The following RFX3 variants were observed in gnomAD, a reference collection of about 807,000 sequenced individuals.
RFX3 encodes the protein transcription factor RFX3.
A neutral mutation model predicts 98.6 loss-of-function variants in RFX3; 14 were observed. The observed-to-expected ratio is 0.14, with a 90% confidence interval of 0.09 to 0.22. The LOEUF (loss-of-function observed/expected upper bound fraction) is 0.22. Ranked by LOEUF, RFX3 falls within the 10% of genes least tolerant of loss-of-function variation. The pLI is 1.00. For missense variants in RFX3, 639 were observed against 926.9 expected (o/e 0.69, Z 4.03); for synonymous variants, 383 against 328.4 (o/e 1.17, Z -1.80).
At chr9:3,383,160 CCT>C (rs1839367853) in intron 2 of RFX3, among the ~76,000 whole-genome samples, 1 of 151,908 alleles carries the variant, frequency 6.6e-6, no homozygotes, top group Admixed American at 6.6e-5. Flanking sequence ...ATCATTTTTC[CCT>C]CTTTTTTTAA....
chr9:3,319,197 C>T (rs1055759280), intron 4 of RFX3, among the ~76,000 whole-genome samples: 1 of 152,216 alleles, frequency 6.6e-6, no homozygotes, highest in African/African-American at 2.4e-5. Flanking sequence ...CTTGGACCAG[C>T]ATTTTCAGTA....
At chr9:3,448,578 T>C (rs1014790892) in intron 1 of RFX3, among the ~76,000 whole-genome samples, 5 of 152,094 alleles carry the variant, frequency 3.3e-5, no homozygotes, top group South Asian at 2.1e-4. Flanking sequence ...GGTGGCGCCA[T>C]CATAGCGTGA....
At chr9:3,234,681 AC>A (rs1382504569) in intron 15 of RFX3, among the ~76,000 whole-genome samples, 1 of 151,932 alleles carries the variant, frequency 6.6e-6, no homozygotes, top group African/African-American at 2.4e-5. Flanking sequence ...AAAGCACCCC[AC>A]CCCAAAATCA....
rs149799341 is a variant in RFX3, at chr9:3,284,580, T to C, written c.851+3551A>G. ...ATCAATATGCAAAGCAGTTGTTATA[T>C]TGTGTTAGGCTAGATTTTAGTCATT... is the stretch of plus-strand genomic sequence containing the variant. On this transcript the variant is annotated intron_variant, in intron 7 of 16. Transcript: ENST00000617270. Among the ~76,000 whole-genome samples, 328 of 151,798 alleles carry C rather than the reference T, an allele frequency of 2.2e-3. 10 individuals are homozygous for C. In the East Asian group the frequency reaches 0.052, roughly 24 times the overall value.
chr9:3,405,948 T>G (rs1841928587), intron 1 of RFX3, among the ~76,000 whole-genome samples: 1 of 151,980 alleles, frequency 6.6e-6, no homozygotes, highest in Admixed American at 6.6e-5. Context: ...GGCATTTGGT[T>G]TTTTGTCTTG....
intron 1 of RFX3, among the ~76,000 whole-genome samples, chr9:3,504,195 A>ATATATATTATATATTATACATAT (rs1564183375): frequency 1.2e-4 from 11 of 95,336 alleles, no homozygotes; most frequent in African/African-American, 5.6e-4. Flanking sequence ...ATTATATATT[A>ATATATATTATATATTATACATAT]TATATATTAT....
chr9:3,321,140 G>A lies in RFX3; in HGVS notation c.474+9119C>T, dbSNP rs554320404. 5.9e-5 allele frequency among the ~76,000 whole-genome samples: 9 copies of A among 152,056 alleles called. No homozygotes were observed. The South Asian group carries it at 1.9e-3, about 32-fold the overall frequency. Reference sequence around the variant, plus strand: ...GCTGGTCTCGAACTCCTGACCTCAGGTGATCCACCCGCCTCAGGCTCCCAA... The same window carrying A: ...GCTGGTCTCGAACTCCTGACCTCAGATGATCCACCCGCCTCAGGCTCCCAA... On this transcript the variant is annotated intron_variant, in intron 4 of 16. Transcript: ENST00000617270.
chr9:3,282,836 A>G (rs1042067214), intron 7 of RFX3, among the ~76,000 whole-genome samples: 1 of 151,822 alleles, frequency 6.6e-6, no homozygotes, highest in African/African-American at 2.4e-5. Context: ...TCTAGGAAGA[A>G]ATAAATTAGT....
intron 1 of RFX3, among the ~76,000 whole-genome samples, chr9:3,518,358 TGA>T (rs1455981039): frequency 1.3e-5 from 2 of 152,188 alleles, no homozygotes; most frequent in Non-Finnish European, 2.9e-5. Flanking sequence ...GTGGCTAAGC[TGA>T]GAGTCAGTCT....
intron 5 of RFX3, among the ~76,000 whole-genome samples, chr9:3,297,449 A>T (rs183295591): frequency 2.4e-4 from 37 of 152,210 alleles, no homozygotes; most frequent in Admixed American, 8.5e-4. Context: ...ATTAATCAAG[A>T]TAGACTAAAG....
At chr9:3,342,169 G>C (rs1260947037) in intron 3 of RFX3, among the ~76,000 whole-genome samples, 2 of 152,164 alleles carry the variant, frequency 1.3e-5, no homozygotes, top group African/African-American at 4.8e-5. Flanking sequence ...ATATATATTA[G>C]TGTACCATTT....
At chr9:3,226,663 T>A (rs938657506) in intron 16 of RFX3, among the ~76,000 whole-genome samples, 1 of 152,210 alleles carries the variant, frequency 6.6e-6, no homozygotes, top group African/African-American at 2.4e-5. Flanking sequence ...TTTGAGTGTG[T>A]CAGAACAAGT....
intron 4 of RFX3, among the ~76,000 whole-genome samples, chr9:3,305,541 G>A (rs1829184064): frequency 6.6e-6 from 1 of 151,848 alleles, no homozygotes; most frequent in Admixed American, 6.6e-5. Flanking sequence ...TGAGGAAGAG[G>A]CAAGAGGAAT....
intron 1 of RFX3, among the ~76,000 whole-genome samples, chr9:3,414,963 T>C (rs1260242071): frequency 2.9e-5 from 4 of 137,874 alleles, no homozygotes; most frequent in Non-Finnish European, 6.1e-5. Context: ...TGTGTGTATA[T>C]ATTCATATAT....
chr9:3,472,888 C>G (rs1477027000), intron 1 of RFX3, among the ~76,000 whole-genome samples: 2 of 152,154 alleles, frequency 1.3e-5, no homozygotes, highest in East Asian at 1.9e-4. Context: ...TAATGTTGCA[C>G]AGCAGTATTA....
At chr9:3,448,784 C>T (rs1012882427) in intron 1 of RFX3, among the ~76,000 whole-genome samples, 27 of 152,178 alleles carry the variant, frequency 1.8e-4, no homozygotes, top group African/African-American at 6.3e-4. Flanking sequence ...CCTCCCAAAG[C>T]ACTGGGTTTG....
At chr9:3,275,407 A>C in intron 9 of RFX3, 93 bp downstream of exon 9, 1 of 694,980 alleles carries the variant, frequency 1.4e-6, no homozygotes, top group Non-Finnish European at 2.6e-6. Context: ...TGCTAAGTTC[A>C]CCTGTCCTTT....
intron 3 of RFX3, among the ~76,000 whole-genome samples, chr9:3,337,555 A>G (rs984789527): frequency 6.6e-6 from 1 of 152,192 alleles, no homozygotes; most frequent in African/African-American, 2.4e-5. Context: ...TGTAAGAGAC[A>G]TGTCATGTTT....
At chr9:3,498,019 C>G (rs1256213746) in intron 1 of RFX3, among the ~76,000 whole-genome samples, 6 of 151,984 alleles carry the variant, frequency 3.9e-5, no homozygotes, top group Admixed American at 1.3e-4. Flanking sequence ...TGTATATTTA[C>G]AGCTTATTGC....
Sources: gnomAD v4.1 joint callset for allele counts (sites outside exome capture counted in the v4.1 genomes callset) on GRCh38, gnomAD v4.1.1 for gene constraint, MANE v1.5 for transcripts, NCBI Gene and HGNC (gene_info 2026-07-23, HGNC 2026-07-21) for gene names.